The following SMARCD1 variants were observed in gnomAD, a reference collection of about 807,000 sequenced individuals.
SMARCD1 encodes the protein SWI/SNF-related matrix-associated actin-dependent regulator of chromatin subfamily D member 1.
SMARCD1 carries 16 observed loss-of-function variants against 70.8 expected under a neutral mutation model. That is an observed-to-expected ratio of 0.23 (90% CI 0.15 to 0.34). SMARCD1 has a LOEUF of 0.34. Among genes scored for constraint, SMARCD1 ranks in the 10% least tolerant of loss-of-function variants. SMARCD1 has a pLI of 1.00. For missense variants in SMARCD1, 409 were observed against 655.5 expected (o/e 0.62, Z 4.11); for synonymous variants, 249 against 246.0 (o/e 1.01, Z -0.11).
chr12:50,099,339 G>A lies in SMARCD1; in HGVS notation c.*339G>A, dbSNP rs915006479. 2.3e-5 allele frequency: 11 copies of A among 479,592 alleles called. No homozygotes were observed. The highest frequency in any genetic ancestry group is 1.1e-4 in the Admixed American group (3 of 27,308). 29.7% of individuals were successfully genotyped at this position (479,592 alleles called of 1,614,324 possible). The stretch of plus-strand genomic sequence containing the variant: ...GCCTCAGGCCAGGTGGTCTTCAAGG[G>A]GACCAGCTAACTGATCCTGCCCTTC... On this transcript the variant is annotated 3_prime_UTR_variant, in exon 13 of 13. Coordinates refer to ENST00000394963, the MANE Select transcript of SMARCD1 (RefSeq NM_003076.5).
At chr12:50,092,680 A>G (rs1433601960) in intron 9 of SMARCD1, among the ~76,000 whole-genome samples, 3 of 152,058 alleles carry the variant, frequency 2.0e-5, no homozygotes. Flanking sequence ...CTATATTCCT[A>G]TGCTTAAAGT....
At chr12:50,091,441 A>C (rs1950842922) in intron 9 of SMARCD1, among the ~76,000 whole-genome samples, 1 of 151,462 alleles carries the variant, frequency 6.6e-6, no homozygotes, top group South Asian at 2.1e-4. Flanking sequence ...ATGCCTGGCT[A>C]ATTTTGTATT....
chr12:50,086,914 A>G, intron 4 of SMARCD1, 36 bp downstream of exon 4: 5 of 1,608,530 alleles, frequency 3.1e-6, no homozygotes, highest in Non-Finnish European at 4.2e-6. Context: ...GAGCCAAAGG[A>G]GAGGACCCAG....
At chr12:50,087,515 C>T in intron 5 of SMARCD1, 30 bp downstream of exon 5, 1 of 1,610,914 alleles carries the variant, frequency 6.2e-7, no homozygotes, top group Non-Finnish European at 8.5e-7. Context: ...TGGTTGGCAT[C>T]TAGGGTGGGA....
chr12:50,094,682 T>C, intron 10 of SMARCD1, 110 bp downstream of exon 10: 3 of 1,043,584 alleles, frequency 2.9e-6, no homozygotes, highest in Non-Finnish European at 4.3e-6. Context: ...CCAGTATATG[T>C]CAGGTACTGT....
chr12:50,094,387 A>G (rs754533521), intron 9 of SMARCD1, 50 bp from the exon 10 acceptor site: 4 of 1,571,404 alleles, frequency 2.5e-6, no homozygotes, highest in Non-Finnish European at 3.5e-6. Context: ...CTGTGTAATT[A>G]GGTCTTAGGG....
chr12:50,096,887 C>T lies in SMARCD1; in HGVS notation c.1307C>T (p.Thr436Ile). ...ETIETINQLK[T>I]QREFMLSFAR... ...ATAGAAACCATCAACCAGCTGAAGA[C>T]TCAGCGGGAGTTCATGCTGAGCTTT... Residue 436 changes from threonine (T) to isoleucine (I), a missense_variant, in exon 11 of 13, where the codon ACT becomes ATT. Coordinates refer to ENST00000394963, the MANE Select transcript of SMARCD1 (RefSeq NM_003076.5). The T allele has an allele frequency of 6.2e-7, 1 of 1,613,536 alleles. No individual in the cohort carries two copies. Among genetic ancestry groups the T allele is most frequent in the Non-Finnish European group, 8.5e-7 (1 of 1,179,446 alleles).
At chr12:50,088,363 C>A in intron 5 of SMARCD1, 158 bp from the exon 6 acceptor site, 1 of 688,014 alleles carries the variant, frequency 1.5e-6, no homozygotes, top group Non-Finnish European at 2.7e-6. Flanking sequence ...TGGTTTAATA[C>A]CTGCAGATGC....
chr12:50,090,152 C>T, intron 7 of SMARCD1, 89 bp from the exon 8 acceptor site: 1 of 1,409,634 alleles, frequency 7.1e-7, no homozygotes, highest in Non-Finnish European at 9.8e-7. Flanking sequence ...CCAGAAAAAG[C>T]ACTACATTAT....
intron 10 of SMARCD1, among the ~76,000 whole-genome samples, chr12:50,095,119 G>C (rs1950881175): frequency 6.6e-6 from 1 of 152,112 alleles, no homozygotes; most frequent in South Asian, 2.1e-4. Flanking sequence ...TTTTAATCAG[G>C]TTGCTATGAC....
At chr12:50,097,686 G>C (rs1387707972) in intron 11 of SMARCD1, among the ~76,000 whole-genome samples, 1 of 152,156 alleles carries the variant, frequency 6.6e-6, no homozygotes, top group South Asian at 2.1e-4. Context: ...GAGGTCAGGA[G>C]TTTGAGACTA....
chr12:50,095,179 A>G (rs1289208755), intron 10 of SMARCD1, among the ~76,000 whole-genome samples: 2 of 152,246 alleles, frequency 1.3e-5, no homozygotes, highest in Non-Finnish European at 2.9e-5. Flanking sequence ...TCTGGCACAT[A>G]AAAACAACAA....
chr12:50,092,837 G>GTAAAA (rs1950858859), intron 9 of SMARCD1, among the ~76,000 whole-genome samples: 1 of 152,020 alleles, frequency 6.6e-6, no homozygotes, highest in African/African-American at 2.4e-5. Flanking sequence ...TGGAGTTCGA[G>GTAAAA]TCCAGCCTGG....
chr12:50,097,002 C>CT, intron 11 of SMARCD1, 30 bp downstream of exon 11: 4 of 1,586,298 alleles, frequency 2.5e-6, no homozygotes, highest in Non-Finnish European at 3.4e-6. Flanking sequence ...TCTGAAGGGA[C>CT]TTAGGTCAGT....
chr12:50,100,034 T>A lies in SMARCD1; in HGVS notation c.*1034T>A, dbSNP rs1592296985. 1 of 152,680 alleles carries A rather than the reference T, an allele frequency of 6.5e-6. No individual in the cohort carries two copies. The highest frequency in any genetic ancestry group is 2.4e-5 in the African/African-American group (1 of 41,382). The allele number at this position is 152,680 out of a possible 1,614,324, so 9.5% of individuals were successfully genotyped here. A position where few individuals can be genotyped will look rare whatever the true frequency, so the allele number is the denominator to read the frequency against. On this transcript the variant is annotated 3_prime_UTR_variant, in exon 13 of 13. Coordinates refer to ENST00000394963, the MANE Select transcript of SMARCD1 (RefSeq NM_003076.5). Reference sequence around the variant, plus strand: ...AGCGCTGAGTTGGGTTTGTGACTCTTCCCTCTCCCTGCCTCACAGGATTGT... The same window carrying A: ...AGCGCTGAGTTGGGTTTGTGACTCTACCCTCTCCCTGCCTCACAGGATTGT...
chr12:50,086,539 C>T, intron 2 of SMARCD1, 82 bp from the exon 3 acceptor site: 1 of 1,410,066 alleles, frequency 7.1e-7, no homozygotes, highest in Non-Finnish European at 1.0e-6. Context: ...CTTCACATTA[C>T]TATAAATGGA....
At chr12:50,097,991 T>G (rs1422387713) in intron 11 of SMARCD1, among the ~76,000 whole-genome samples, 1 of 151,840 alleles carries the variant, frequency 6.6e-6, no homozygotes, top group Non-Finnish European at 1.5e-5. Flanking sequence ...TGGGGAAGGC[T>G]TCATGGAAAA....
intron 5 of SMARCD1, 112 bp downstream of exon 5, chr12:50,087,597 A>G (rs763452152): frequency 7.9e-6 from 10 of 1,261,706 alleles, no homozygotes; most frequent in East Asian, 2.5e-5. Flanking sequence ...TTTTGGGAGC[A>G]GTAAGGAGAG....
At chr12:50,092,722 T>C (rs1364528175) in intron 9 of SMARCD1, among the ~76,000 whole-genome samples, 2 of 152,136 alleles carry the variant, frequency 1.3e-5, no homozygotes, top group African/African-American at 4.8e-5. Context: ...TTTGACTTTA[T>C]TTTTGGGGTC....
Sources: allele counts gnomAD v4.1 joint callset (sites outside exome capture counted in the v4.1 genomes callset), GRCh38; gene constraint gnomAD v4.1.1; transcripts MANE v1.5; gene names NCBI Gene and HGNC (gene_info 2026-07-23, HGNC 2026-07-21).